The following TRPM3 variants were observed in gnomAD, a reference collection of about 807,000 sequenced individuals.
TRPM3 encodes transient receptor potential cation channel subfamily M member 3.
TRPM3 carries 77 observed loss-of-function variants against 181.2 expected under a neutral mutation model. The observed-to-expected ratio is 0.42, with a 90% CI of 0.35 to 0.51. The LOEUF is 0.51. Ranked by LOEUF, TRPM3 falls within the 20% of genes least tolerant of loss-of-function variation. The pLI is 0.01. For missense variants in TRPM3, 1,759 were observed against 2,196.7 expected (o/e 0.80, Z 3.98); for synonymous variants, 745 against 796.4 (o/e 0.94, Z 1.09).
At chr9:71,313,238 A>G (rs2088156079) in intron 1 of TRPM3, among the ~76,000 whole-genome samples, 2 of 151,942 alleles carry the variant, frequency 1.3e-5, no homozygotes, top group Admixed American at 1.3e-4. Context: ...GGAGTCTATT[A>G]AGACAAAACA....
rs544389519 is a variant in TRPM3, at chr9:70,925,135, C to A, written c.178-60624G>T. Among the ~76,000 whole-genome samples the A allele has an allele frequency of 7.2e-5, 11 of 152,274 alleles. No homozygotes were observed. In the South Asian group the frequency reaches 1.2e-3, roughly 17 times the overall value. On this transcript the variant is annotated intron_variant, in intron 1 of 25. Transcript: ENST00000677713. ...TATAGCCCTACCTGCCCCTTTCCAGCAGATGGTGCTGTTTTTCCAACATTT... is the reference window on the plus strand; with the variant it reads ...TATAGCCCTACCTGCCCCTTTCCAGAAGATGGTGCTGTTTTTCCAACATTT...
intron 6 of TRPM3, chr9:70,809,856 A>C (rs2091559635): frequency 2.1e-6 from 1 of 465,298 alleles, no homozygotes. Flanking sequence ...TTCTACTATG[A>C]CCTTTAACAT....
At chr9:70,611,604 C>T (rs1249195621) in intron 18 of TRPM3, among the ~76,000 whole-genome samples, 1 of 152,168 alleles carries the variant, frequency 6.6e-6, no homozygotes. Context: ...CAGGTGGTAT[C>T]TTTATGGCCA....
At chr9:71,253,423 T>C (rs1307042555) in intron 1 of TRPM3, among the ~76,000 whole-genome samples, 2 of 152,142 alleles carry the variant, frequency 1.3e-5, no homozygotes, top group Non-Finnish European at 2.9e-5. Context: ...TGTCATCTAG[T>C]TGGTAGAGGC....
chr9:71,163,560 T>C (rs1158869027), intron 1 of TRPM3, among the ~76,000 whole-genome samples: 1 of 152,108 alleles, frequency 6.6e-6, no homozygotes, highest in Admixed American at 6.6e-5. Context: ...GATAATCAAA[T>C]TGAGGTAACA....
intron 1 of TRPM3, among the ~76,000 whole-genome samples, chr9:71,322,919 A>AC (rs1323360329): frequency 6.6e-6 from 1 of 152,162 alleles, no homozygotes; most frequent in Admixed American, 6.6e-5. Context: ...CTGAAGGGTA[A>AC]TAGTTCAGCT....
At chr9:71,226,343 G>A (rs1226252992) in intron 1 of TRPM3, among the ~76,000 whole-genome samples, 2 of 151,956 alleles carry the variant, frequency 1.3e-5, no homozygotes, top group East Asian at 1.9e-4. Context: ...TCAATAATAA[G>A]ATTGAATATA....
intron 1 of TRPM3, among the ~76,000 whole-genome samples, chr9:71,304,368 C>CG (rs2087065609): frequency 6.6e-6 from 1 of 152,106 alleles, no homozygotes; most frequent in African/African-American, 2.4e-5. Context: ...CCTCATCCGA[C>CG]GGAAGGCAGT....
At chr9:70,663,785 C>T (rs1465233040) in intron 9 of TRPM3, among the ~76,000 whole-genome samples, 1 of 152,160 alleles carries the variant, frequency 6.6e-6, no homozygotes, top group Non-Finnish European at 1.5e-5. Context: ...CAAATGGCAG[C>T]TATCTGACGC....
chr9:71,238,063 A>G (rs1383972168), intron 1 of TRPM3, among the ~76,000 whole-genome samples: 2 of 152,216 alleles, frequency 1.3e-5, no homozygotes. Flanking sequence ...ATTGTTCACT[A>G]CAATGAAGAA....
At chr9:70,745,101 T>C (rs2074914658) in intron 8 of TRPM3, among the ~76,000 whole-genome samples, 1 of 152,144 alleles carries the variant, frequency 6.6e-6, no homozygotes, top group Admixed American at 6.6e-5. Context: ...TCATCACCAT[T>C]GTTACAATAA....
chr9:70,624,673 C>T (rs75965665), intron 14 of TRPM3, among the ~76,000 whole-genome samples: 15,012 of 152,138 alleles, frequency 0.099, 789 homozygotes, highest in East Asian at 0.22. Flanking sequence ...TATACTTTAA[C>T]CAGAATATCC....
rs375606680 is a variant in TRPM3, at chr9:70,618,898, C to T, written c.2327G>A (p.Arg776Gln). 3.7e-6 allele frequency: 6 copies of T among 1,609,632 alleles called. No individual in the cohort carries two copies. Among genetic ancestry groups the T allele is most frequent in the Non-Finnish European group, 3.4e-6 (4 of 1,179,956 alleles). Residue 776 changes from arginine (R) to glutamine (Q), a missense_variant, in exon 17 of 26, where the codon CGG (arginine) becomes CAG (glutamine). This residue lies in a region of TRPM3 where 114 missense variants were observed against 134.8 expected (regional missense o/e 0.85). Transcript: ENST00000677713. ...QMLLTDMWMG[R>Q]LRMRKNSGLK... ...GCCTGAGTTCTTGCGCATGCGGAGCCGGCCCATCCACATGTCGGTGAGCAG... is the reference window on the plus strand; with the variant it reads ...GCCTGAGTTCTTGCGCATGCGGAGCTGGCCCATCCACATGTCGGTGAGCAG...
intron 1 of TRPM3, among the ~76,000 whole-genome samples, chr9:71,221,964 A>G (rs1452715118): frequency 6.6e-6 from 1 of 152,210 alleles, no homozygotes; most frequent in Non-Finnish European, 1.5e-5. Context: ...CAATTTCCCT[A>G]CCACTAAGAT....
At chr9:70,770,095 G>A (rs752604014) in intron 7 of TRPM3, among the ~76,000 whole-genome samples, 4 of 145,268 alleles carry the variant, frequency 2.8e-5, no homozygotes, top group Non-Finnish European at 6.3e-5. Context: ...TTCTCTTGTT[G>A]TTTAAACTCA....
chr9:71,158,773 G>T (rs559241805), intron 1 of TRPM3, among the ~76,000 whole-genome samples: 1 of 152,212 alleles, frequency 6.6e-6, no homozygotes, highest in African/African-American at 2.4e-5. Flanking sequence ...ATTGGCATTT[G>T]AATTTGTGGA....
intron 25 of TRPM3, among the ~76,000 whole-genome samples, chr9:70,538,798 A>T (rs759799696): frequency 2.6e-5 from 4 of 152,248 alleles, no homozygotes; most frequent in Non-Finnish European, 5.9e-5. Context: ...AGGTGTCAAC[A>T]AATGGGTCAA....
chr9:71,410,144 C>A (rs541042088), intron 1 of TRPM3, among the ~76,000 whole-genome samples: 1 of 152,174 alleles, frequency 6.6e-6, no homozygotes, highest in African/African-American at 2.4e-5. Flanking sequence ...TAAATGCCCA[C>A]AAGAGAAAGC....
chr9:70,666,921 C>T (rs926163462), intron 9 of TRPM3, among the ~76,000 whole-genome samples: 5 of 152,008 alleles, frequency 3.3e-5, no homozygotes, highest in Non-Finnish European at 5.9e-5. Flanking sequence ...TGTATTAATG[C>T]TATCCTATTT....
Sources: allele counts gnomAD v4.1 joint callset (sites outside exome capture counted in the v4.1 genomes callset), GRCh38; gene constraint gnomAD v4.1.1; regional missense constraint gnomAD v4.1.1; transcripts MANE v1.5; gene names NCBI Gene and HGNC (gene_info 2026-07-23, HGNC 2026-07-21).